Variants in SPOCK3 observed in about 807,000 individuals in gnomAD.
SPOCK3 encodes the protein SPARC (osteonectin), cwcv and kazal like domains proteoglycan 3.
In SPOCK3, 30 loss-of-function variants were observed where a neutral mutation model predicts 56.6. That is an observed-to-expected ratio of 0.53 (90% CI 0.40 to 0.72). The LOEUF is 0.72. Among genes scored for constraint, SPOCK3 ranks in the 30% least tolerant of loss-of-function variants. SPOCK3 has a pLI of 0.00. For missense variants in SPOCK3, 527 were observed against 530.0 expected, an observed-to-expected ratio of 0.99 and a Z score of 0.06; for synonymous variants, 196 against 183.3, an observed-to-expected ratio of 1.07 and a Z score of -0.56.
chr4:166,842,365 T>C (rs1349655019), intron 6 of SPOCK3, among the ~76,000 whole-genome samples: 1 of 152,188 alleles, frequency 6.6e-6, no homozygotes, highest in Non-Finnish European at 1.5e-5. Context: ...TGGTCCCTTT[T>C]GACAGGGTGC....
chr4:166,848,946 C>A (rs1748386467), intron 6 of SPOCK3, among the ~76,000 whole-genome samples: 1 of 152,170 alleles, frequency 6.6e-6, no homozygotes. Flanking sequence ...TCAATATTTA[C>A]CAACACCATG....
chr4:166,987,470 C>T (rs1230700295), intron 4 of SPOCK3, among the ~76,000 whole-genome samples: 1 of 152,134 alleles, frequency 6.6e-6, no homozygotes, highest in Non-Finnish European at 1.5e-5. Context: ...TACTGTCTGT[C>T]TTCCACTCCA....
intron 3 of SPOCK3, among the ~76,000 whole-genome samples, chr4:167,005,088 T>C (rs557774462): frequency 7.2e-5 from 11 of 152,314 alleles, no homozygotes; most frequent in Admixed American, 5.9e-4. Flanking sequence ...CTTATTTTTA[T>C]GGCCAACTCT....
chr4:167,031,950 T>C (rs1427623), intron 3 of SPOCK3, among the ~76,000 whole-genome samples: 93,031 of 151,872 alleles, frequency 0.61, 32,005 homozygotes, highest in East Asian at 0.85. Context: ...TATCTAGAGT[T>C]CTGTTAGTCA....
chr4:167,024,066 A>G (rs1460693055), intron 3 of SPOCK3, among the ~76,000 whole-genome samples: 2 of 152,032 alleles, frequency 1.3e-5, no homozygotes, highest in South Asian at 2.1e-4. Context: ...CGTGGTTACA[A>G]TTTGCCTGGA....
intron 3 of SPOCK3, among the ~76,000 whole-genome samples, chr4:167,019,367 C>G (rs1166648271): frequency 2.0e-5 from 3 of 151,792 alleles, no homozygotes; most frequent in Non-Finnish European, 4.4e-5. Context: ...TAAAATGATG[C>G]AAATTTATCA....
intron 2 of SPOCK3, chr4:167,119,727 C>A (rs1761713574): frequency 9.8e-6 from 11 of 1,117,108 alleles, no homozygotes; most frequent in Middle Eastern, 4.1e-4. Flanking sequence ...AACGTTATGT[C>A]TATAACATAA....
intron 6 of SPOCK3, among the ~76,000 whole-genome samples, chr4:166,817,925 T>C (rs1744539810): frequency 6.6e-6 from 1 of 152,030 alleles, no homozygotes; most frequent in Admixed American, 6.6e-5. Context: ...CTGGTCTTGT[T>C]CTTAACTCTT....
At chr4:167,119,648 A>T in intron 2 of SPOCK3, 1 of 526,954 alleles carries the variant, frequency 1.9e-6, no homozygotes, top group East Asian at 3.1e-5. Context: ...CTGAGGGATG[A>T]CATCAGTCAT....
intron 3 of SPOCK3, among the ~76,000 whole-genome samples, chr4:167,039,680 A>G (rs1358497415): frequency 1.1e-5 from 1 of 88,624 alleles, no homozygotes; most frequent in Non-Finnish European, 2.2e-5. Flanking sequence ...ACTAAATAAA[A>G]AAAAAAAAAT....
intron 6 of SPOCK3, among the ~76,000 whole-genome samples, chr4:166,830,206 T>G (rs1359753932): frequency 6.6e-6 from 1 of 152,218 alleles, no homozygotes; most frequent in Non-Finnish European, 1.5e-5. Context: ...AACTGTTGTC[T>G]CTTAATTTGC....
chr4:167,082,838 A>G (rs1580235936), intron 2 of SPOCK3, among the ~76,000 whole-genome samples: 2 of 147,926 alleles, frequency 1.4e-5, no homozygotes, highest in South Asian at 4.5e-4. Context: ...GAGGGAGGGA[A>G]GGAAGGGAAG....
chr4:166,949,858 T>TA (rs1561044908), intron 4 of SPOCK3, among the ~76,000 whole-genome samples: 1 of 151,750 alleles, frequency 6.6e-6, no homozygotes, highest in Admixed American at 6.6e-5. Context: ...GAAGGAGAAA[T>TA]AAAATACTTT....
chr4:167,058,301 G>A (rs1755143792), intron 3 of SPOCK3, among the ~76,000 whole-genome samples: 2 of 152,146 alleles, frequency 1.3e-5, no homozygotes, highest in Non-Finnish European at 1.5e-5. Context: ...CTTCAGCAAA[G>A]TCTCAGGATA....
In SPOCK3 at chr4:167,166,523, C is replaced by T. The variant is rs1373314981; in HGVS notation, c.189+67462G>A. Among the ~76,000 whole-genome samples the T allele has an allele frequency of 3.3e-5, 5 of 152,128 alleles. No homozygotes were observed. In the South Asian group the frequency reaches 8.3e-4, roughly 25 times the overall value. ...ATTTCTTACTAGACTGTCAAGAGTT[C>T]GTGTGCTCTTGCTGTTAAGAGTTTT... On this transcript the variant is annotated intron_variant, in intron 2 of 10. Transcript: ENST00000357545.
At chr4:167,214,227 A>T (rs1047804173) in intron 2 of SPOCK3, among the ~76,000 whole-genome samples, 1 of 152,136 alleles carries the variant, frequency 6.6e-6, no homozygotes, top group Admixed American at 6.5e-5. Context: ...TGGTTTCAGA[A>T]TTGTATTTGT....
intron 4 of SPOCK3, among the ~76,000 whole-genome samples, chr4:166,963,349 T>A (rs564400933): frequency 1.3e-5 from 2 of 152,058 alleles, no homozygotes; most frequent in Non-Finnish European, 2.9e-5. Flanking sequence ...TAATGTGTTA[T>A]GTGGAAATTG....
rs572418538 is a variant in SPOCK3, at chr4:166,766,190, G to T, written c.710-11461C>A. On this transcript the variant is annotated intron_variant, in intron 7 of 10. Transcript: ENST00000357545. ...TGAATACCCTTTATTTCTTCCTCCT[G>T]CCTGATTGCCCTGGCCTGAAATTCC... 2.6e-5 allele frequency among the ~76,000 whole-genome samples: 4 copies of T among 152,210 alleles called. 1 individual carries two copies. Among genetic ancestry groups the T allele is most frequent in the African/African-American group, 9.6e-5 (4 of 41,526 alleles).
intron 6 of SPOCK3, among the ~76,000 whole-genome samples, chr4:166,823,781 C>T (rs945821892): frequency 3.9e-5 from 6 of 151,944 alleles, no homozygotes; most frequent in Non-Finnish European, 7.4e-5. Flanking sequence ...TTTTTTGCCT[C>T]TAAGTTATTG....
Sources: gnomAD v4.1 joint callset for allele counts (sites outside exome capture counted in the v4.1 genomes callset) on GRCh38, gnomAD v4.1.1 for gene constraint, MANE v1.5 for transcripts, NCBI Gene and HGNC (gene_info 2026-07-23, HGNC 2026-07-21) for gene names.